Variants in BET1 observed in about 807,000 individuals in gnomAD.
BET1 encodes the protein Bet1 golgi vesicular membrane trafficking protein, also known as BET1 homolog.
BET1 carries 9 observed loss-of-function variants against 13.9 expected under a neutral mutation model. That is an observed-to-expected ratio of 0.65 (90% CI 0.39 to 1.13). BET1 has a LOEUF of 1.13. BET1 is among the 50% of genes most tolerant of loss of function. The pLI, the probability that BET1 is intolerant of heterozygous loss-of-function variation, is 0.01. For missense variants in BET1, 127 were observed against 133.6 expected, an observed-to-expected ratio of 0.95 and a Z score of 0.24; for synonymous variants, 39 against 47.3, an observed-to-expected ratio of 0.82 and a Z score of 0.72.
exon 7 of BET1, chr7:93,965,146 C>T (rs1248390399): frequency 6.6e-6 from 1 of 152,010 alleles, no homozygotes; most frequent in South Asian, 2.1e-4. Flanking sequence ...TTTTGCACTG[C>T]CTCGTTCACT....
Position 94,002,458 on chromosome 7 carries a change from T to TA in BET1, c.19+1739dup, listed in dbSNP as rs79526205. 2.0e-3 allele frequency among the ~76,000 whole-genome samples: 256 copies of TA among 128,050 alleles called. 1 individual carries two copies. Among genetic ancestry groups the TA allele is most frequent in the South Asian group, 3.1e-3 (13 of 4,190 alleles). The allele number at this position is 128,050 out of a possible 152,430, so 84.0% of individuals were successfully genotyped here. ...TCTCAATCACAGAAGAGCTTTTTTT[T>TA]AAAAAAAAAAAAAAAAGAAAGAAAA... On this transcript the variant is annotated intron_variant, in intron 1 of 3. Transcript: ENST00000222547.
intron 1 of BET1, among the ~76,000 whole-genome samples, chr7:94,001,539 T>G (rs1409313401): frequency 6.6e-6 from 1 of 152,146 alleles, no homozygotes; most frequent in Non-Finnish European, 1.5e-5. Context: ...CTATCTGAAT[T>G]TTGCTGCTGA....
chr7:93,967,094 TGTTTGTTACTTCTCA>T (rs2116014443), intron 6 of BET1, among the ~76,000 whole-genome samples: 1 of 152,044 alleles, frequency 6.6e-6, no homozygotes, highest in Admixed American at 6.6e-5. Flanking sequence ...ATGGTAATTC[TGTTTGTTACTTCTCA>T]GTAATAGGAA....
intron 5 of BET1, among the ~76,000 whole-genome samples, chr7:93,974,609 C>A (rs1795308665): frequency 6.6e-6 from 1 of 151,756 alleles, no homozygotes; most frequent in Admixed American, 6.6e-5. Context: ...TCTGTGGTGC[C>A]ATAGTGATAA....
chr7:93,988,167 G>A (rs1273271025), intron 4 of BET1, among the ~76,000 whole-genome samples: 1 of 152,134 alleles, frequency 6.6e-6, no homozygotes, highest in East Asian at 1.9e-4. Context: ...AACACTTGTT[G>A]GGATCTACTA....
At chr7:93,994,809 A>C (rs1337207757) in intron 3 of BET1, among the ~76,000 whole-genome samples, 4 of 152,236 alleles carry the variant, frequency 2.6e-5, no homozygotes, top group Non-Finnish European at 4.4e-5. Flanking sequence ...TTTCATCCAA[A>C]ATGTAATACG....
chr7:93,975,785 G>T (rs937742909), intron 5 of BET1: 7 of 391,762 alleles, frequency 1.8e-5, no homozygotes, highest in Admixed American at 1.4e-4. Context: ...TTTCTCTTGA[G>T]TAATTGAAGA....
intron 5 of BET1, among the ~76,000 whole-genome samples, chr7:93,973,491 A>G (rs1780970970): frequency 6.6e-6 from 1 of 151,992 alleles, no homozygotes; most frequent in Non-Finnish European, 1.5e-5. Context: ...CTCTGGGGAG[A>G]CAAACTCTGG....
intron 6 of BET1, among the ~76,000 whole-genome samples, chr7:93,971,713 C>A (rs576915378): frequency 6.6e-6 from 1 of 151,352 alleles, no homozygotes; most frequent in Non-Finnish European, 1.5e-5. Flanking sequence ...CAAAGTGTCT[C>A]GGTCTACATA....
chr7:93,984,563 T>C (rs1356210373), intron 4 of BET1, among the ~76,000 whole-genome samples: 3 of 151,976 alleles, frequency 2.0e-5, no homozygotes, highest in Non-Finnish European at 2.9e-5. Context: ...GAAACAAAGA[T>C]AAATGTCGTG....
In BET1 at chr7:93,999,231, C is replaced by G. The variant is rs369247771; in HGVS notation, c.83G>C (p.Cys28Ser). Reference sequence around the variant, plus strand: ...AGTGAGCCTCTCATTTTCTTCTTCACAGGCACTATACCCACTATTAGCATA... The same window carrying G: ...AGTGAGCCTCTCATTTTCTTCTTCAGAGGCACTATACCCACTATTAGCATA... Reference protein sequence around the residue: ...YGYANSGYSACEEENERLTES... With the variant: ...YGYANSGYSASEEENERLTES... Residue 28 changes from cysteine (C) to serine (S), a missense_variant, in exon 2 of 4, where the codon TGT becomes TCT. Cys to Ser is a moderately radical substitution (Grantham distance 112). Coordinates refer to ENST00000222547, the MANE Select transcript of BET1 (RefSeq NM_005868.6). The G allele has an allele frequency of 6.2e-7, 1 of 1,613,492 alleles. No individual in the cohort carries two copies. The highest frequency in any genetic ancestry group is 1.7e-5 in the Admixed American group (1 of 59,996).
chr7:93,972,129 C>T (rs771162271), intron 6 of BET1, among the ~76,000 whole-genome samples: 1 of 151,754 alleles, frequency 6.6e-6, no homozygotes, highest in Non-Finnish European at 1.5e-5. Context: ...CAAGTCATTC[C>T]TTTCATCTGT....
intron 1 of BET1, among the ~76,000 whole-genome samples, chr7:94,002,473 AAG>A (rs1290559601): frequency 0.047 from 6,547 of 138,232 alleles, 413 homozygotes; most frequent in African/African-American, 0.18. Flanking sequence ...AAAAAAAAAA[AAG>A]AAAGAAAAAA....
At chr7:93,979,413 T>C (rs933331246) in intron 4 of BET1, among the ~76,000 whole-genome samples, 4 of 152,138 alleles carry the variant, frequency 2.6e-5, no homozygotes, top group Admixed American at 6.5e-5. Flanking sequence ...CCCATAAGTG[T>C]CATATCATAA....
At chr7:93,973,272 C>A (rs549888796) in intron 5 of BET1, among the ~76,000 whole-genome samples, 1 of 151,990 alleles carries the variant, frequency 6.6e-6, no homozygotes, top group African/African-American at 2.4e-5. Context: ...TGCAGTCTTA[C>A]TACTAAGCAA....
chr7:93,969,935 C>T (rs1354163278), intron 6 of BET1, among the ~76,000 whole-genome samples: 2 of 151,726 alleles, frequency 1.3e-5, no homozygotes, highest in East Asian at 3.9e-4. Flanking sequence ...TATTTGAAAT[C>T]AATCTTGGAT....
intron 5 of BET1, among the ~76,000 whole-genome samples, chr7:93,975,018 TC>T (rs1385710017): frequency 6.6e-6 from 1 of 151,922 alleles, no homozygotes; most frequent in African/African-American, 2.4e-5. Context: ...CTCAATCTAA[TC>T]ATGAGAAACA....
chr7:93,965,612 C>A (rs980300372), exon 7 of BET1: 4 of 151,984 alleles, frequency 2.6e-5, no homozygotes, highest in Non-Finnish European at 5.9e-5. Context: ...CAAACAGATT[C>A]TTGAATAGAG....
intron 6 of BET1, among the ~76,000 whole-genome samples, chr7:93,968,694 GC>G (rs1210580390): frequency 6.6e-6 from 1 of 151,616 alleles, no homozygotes; most frequent in East Asian, 1.9e-4. Context: ...AGAATCTAAA[GC>G]CCACATGCTT....
Sources: allele counts gnomAD v4.1 joint callset (sites outside exome capture counted in the v4.1 genomes callset), GRCh38; gene constraint gnomAD v4.1.1; transcripts MANE v1.5; gene names NCBI Gene and HGNC (gene_info 2026-07-23, HGNC 2026-07-21).